Variants in GRB7 observed in about 807,000 individuals in gnomAD.
GRB7 encodes growth factor receptor-bound protein 7.
GRB7 carries 47 observed loss-of-function variants against 64.1 expected under a neutral mutation model. The ratio of observed to expected loss-of-function variants is 0.73; its 90% CI spans 0.58 to 0.94. The LOEUF is 0.94. Among genes scored for constraint, GRB7 ranks in the 40% least tolerant of loss-of-function variants. The pLI is 0.00. For synonymous variants in GRB7, 277 were observed against 279.9 expected, an observed-to-expected ratio of 0.99 and a Z score of 0.10; for missense variants, 634 against 718.4, an observed-to-expected ratio of 0.88 and a Z score of 1.34.
chr17:39,745,468 A>G lies in GRB7; in HGVS notation c.1139A>G (p.His380Arg). 3 of 1,614,016 alleles carry G rather than the reference A, an allele frequency of 1.9e-6. No homozygotes were observed. The highest frequency in any genetic ancestry group is 2.2e-5 in the East Asian group (1 of 44,864). The part of the protein sequence containing the change: ...NTLVAMDFSG[H>R]AGRVIENPRE... ...CTGGTGGCCATGGACTTCTCTGGCC[A>G]TGCTGGGCGTGTCATTGAGAACCCC... is the stretch of plus-strand genomic sequence containing the variant. Residue 380 changes from histidine to arginine, a missense_variant, in exon 11 of 15, where the codon CAT (histidine) becomes CGT (arginine). Transcript: ENST00000309156.
intron 13 of GRB7, 35 bp downstream of exon 13, chr17:39,746,035 AAG>A: frequency 6.2e-7 from 1 of 1,611,644 alleles, no homozygotes; most frequent in Non-Finnish European, 8.5e-7. Context: ...ACCCAGGGAT[AAG>A]AGAGACTGGG....
Position 39,746,947 on chromosome 17 carries a change from GC to G in GRB7, c.*54del. ...TCAGCCCGCCTTCAGGCTGCCCGCC[GC>G]CCCTCCACCCATCCAGTGGACTCTG... On this transcript the variant is annotated 3_prime_UTR_variant, in exon 15 of 15. Coordinates refer to ENST00000309156, the MANE Select transcript of GRB7 (RefSeq NM_005310.5). 6.4e-7 allele frequency: 1 copy of G among 1,563,034 alleles called. No homozygotes were observed. The highest frequency in any genetic ancestry group is 8.6e-7 in the Non-Finnish European group (1 of 1,156,074).
rs745932260 is a variant in GRB7 at position 39,742,457 on chromosome 17, G to A, written c.155+1G>A. 1.2e-6 allele frequency: 2 copies of A among 1,613,852 alleles called. No homozygotes were observed. The highest frequency in any genetic ancestry group is 1.7e-5 in the Admixed American group (1 of 60,026). Reference sequence around the variant, plus strand: ...CTCTCCTCATCCCAACCACCGGCAGGTACGATGGGGCGTGGGGCTTGGGGG... The same window carrying A: ...CTCTCCTCATCCCAACCACCGGCAGATACGATGGGGCGTGGGGCTTGGGGG... On this transcript the variant is annotated splice_donor_variant, in intron 2 of 14. Coordinates refer to ENST00000309156, the MANE Select transcript of GRB7 (RefSeq NM_005310.5). LOFTEE classifies it high-confidence loss of function.
rs1465988578 is a variant in GRB7, at chr17:39,743,633, T to C, written c.663+163T>C. 3.6e-5 allele frequency: 23 copies of C among 646,202 alleles called. No individual in the cohort carries two copies. In the East Asian group the frequency reaches 5.1e-4, roughly 14 times the overall value. The allele number at this position is 646,202 out of a possible 1,614,324, so 40.0% of individuals were successfully genotyped here. A position where few individuals can be genotyped will look rare whatever the true frequency, so the allele number is the denominator to read the frequency against. On this transcript the variant is annotated intron_variant, in intron 6 of 14. Transcript: ENST00000309156. The stretch of plus-strand genomic sequence containing the variant: ...CTTTCCCTGCCTGAGCATCAGTTTC[T>C]TCTATTAAATGGGGGCGAGAAATGC...
At chr17:39,744,494 G>A in intron 7 of GRB7, 59 bp from the exon 8 acceptor site, 2 of 1,370,156 alleles carry the variant, frequency 1.5e-6, no homozygotes, top group South Asian at 2.5e-5. Context: ...GGCTTGTGGG[G>A]GGAGGTAATA....
chr17:39,740,520 AGGCGAGGGACTCCCT>A (rs894301551), intron 1 of GRB7, among the ~76,000 whole-genome samples: 1 of 152,078 alleles, frequency 6.6e-6, no homozygotes, highest in Non-Finnish European at 1.5e-5. Flanking sequence ...TCTCCTTCCC[AGGCGAGGGACTCCCT>A]GGCGAGGAGG....
intron 1 of GRB7, among the ~76,000 whole-genome samples, chr17:39,740,719 T>C (rs2059987955): frequency 6.6e-6 from 1 of 151,428 alleles, no homozygotes; most frequent in Non-Finnish European, 1.5e-5. Context: ...GGTTGGGGAG[T>C]TGGGGGAAGG....
At chr17:39,742,109 G>A in intron 1 of GRB7, 143 bp from the exon 2 acceptor site, 1 of 661,262 alleles carries the variant, frequency 1.5e-6, no homozygotes, top group Non-Finnish European at 2.7e-6. Flanking sequence ...GTCCCCTTTT[G>A]TAAAATGAGG....
rs573334038 is a variant in GRB7, at chr17:39,742,746, G to T, written c.306+30G>T. 6 of 1,535,670 alleles carry T rather than the reference G, an allele frequency of 3.9e-6. No homozygotes were observed. The Admixed American group carries it at 1.0e-4, about 27-fold the overall frequency. Reference sequence around the variant, plus strand: ...GTTGTCCCTCAGAAGGGAAGGGAGGGATGCACGGGTTCTGGGTCTGTGGGA... The same window carrying T: ...GTTGTCCCTCAGAAGGGAAGGGAGGTATGCACGGGTTCTGGGTCTGTGGGA... On this transcript the variant is annotated intron_variant, in intron 3 of 14. Coordinates refer to ENST00000309156, the MANE Select transcript of GRB7 (RefSeq NM_005310.5).
intron 6 of GRB7, 159 bp downstream of exon 6, chr17:39,743,629 T>A: frequency 3.1e-6 from 2 of 651,516 alleles, no homozygotes; most frequent in Non-Finnish European, 5.4e-6. Flanking sequence ...TGAGCATCAG[T>A]TTCTTCTATT....
Position 39,744,620 on chromosome 17 carries a change from G to A in GRB7, c.869G>A (p.Arg290His), listed in dbSNP as rs138362707. The change falls in exon 8 of 15, where the codon CGC becomes CAC. Residue 290 changes from arginine to histidine, a missense_variant. Arg to His is a conservative substitution (Grantham distance 29). Transcript: ENST00000309156. ...AACGTGTACGTGGTGACGCAGGGCC[G>A]CAAGCTCTACGGGATGCCCACTGAC... is the stretch of plus-strand genomic sequence containing the variant. ...ESNVYVVTQG[R>H]KLYGMPTDFG... 1,058 of 1,610,790 alleles carry A rather than the reference G, an allele frequency of 6.6e-4. 1 individual carries two copies. Among genetic ancestry groups the A allele is most frequent in the Non-Finnish European group, 8.3e-4 (976 of 1,178,474 alleles).
chr17:39,738,773 C>A (rs934784651), intron 1 of GRB7: 2 of 773,912 alleles, frequency 2.6e-6, no homozygotes, highest in Non-Finnish European at 4.0e-6. Flanking sequence ...GACGTCTCTG[C>A]GGGCTGCGGG....
In GRB7 at chr17:39,743,015, A is replaced by T; in HGVS notation, c.424A>T (p.Thr142Ser). Residue 142 changes from threonine to serine, a missense_variant, in exon 4 of 15, where the codon ACC (threonine) becomes TCC (serine). Physicochemically the swap from Thr to Ser is moderately conservative, Grantham distance 58 (BLOSUM62 1). Coordinates refer to ENST00000309156, the MANE Select transcript of GRB7 (RefSeq NM_005310.5). ...VQRAHALSDETWGLVECHPHL... is the reference protein window; with the variant it reads ...VQRAHALSDESWGLVECHPHL... Reference sequence around the variant, plus strand: ...GCGAGCTCACGCCTTGAGCGACGAGACCTGGGGGCTGGTGGAGTGCCACCC... The same window carrying T: ...GCGAGCTCACGCCTTGAGCGACGAGTCCTGGGGGCTGGTGGAGTGCCACCC... 2 of 1,611,624 alleles carry T rather than the reference A, an allele frequency of 1.2e-6. No individual in the cohort carries two copies. Among genetic ancestry groups the T allele is most frequent in the Non-Finnish European group, 1.7e-6 (2 of 1,178,514 alleles).
rs1242976374 is a variant in GRB7, at chr17:39,742,253, A to G, written c.-49A>G. On this transcript the variant is annotated splice_region_variant and 5_prime_UTR_variant, in exon 2 of 15. Coordinates refer to ENST00000309156, the MANE Select transcript of GRB7 (RefSeq NM_005310.5). ...AATTCTCTCATCCCCTCTCCCCAGG[A>G]CAAGGGCACACAACTGGTTCCGTTA... 1 of 1,612,458 alleles carries G rather than the reference A, an allele frequency of 6.2e-7. No individual in the cohort carries two copies. The highest frequency in any genetic ancestry group is 1.7e-5 in the Admixed American group (1 of 60,002).
chr17:39,740,577 A>G (rs2143393012), intron 1 of GRB7, among the ~76,000 whole-genome samples: 1 of 152,194 alleles, frequency 6.6e-6, no homozygotes, highest in Non-Finnish European at 1.5e-5. Context: ...AGCAGATCGT[A>G]GGTCCCACCT....
chr17:39,738,796 G>T, intron 1 of GRB7: 1 of 1,013,656 alleles, frequency 9.9e-7, no homozygotes, highest in Non-Finnish European at 1.4e-6. Context: ...GATGTGGGGA[G>T]GGCCCCCTCC....
At chr17:39,739,155 C>A (rs1173882738) in intron 1 of GRB7, among the ~76,000 whole-genome samples, 1 of 150,720 alleles carries the variant, frequency 6.6e-6, no homozygotes, top group Admixed American at 6.6e-5. Context: ...GCCCCCCACC[C>A]CGCCCCCCAA....
At chr17:39,740,605 A>G (rs1279496719) in intron 1 of GRB7, among the ~76,000 whole-genome samples, 1 of 149,050 alleles carries the variant, frequency 6.7e-6, no homozygotes. Context: ...AGCTAGGCCG[A>G]GGGTGGGGAG....
rs370683070 is a variant in GRB7 at position 39,742,429 on chromosome 17, A to G, written c.128A>G (p.Gln43Arg). ...TPLPEEVKRS[Q>R]PLLIPTTGRK... The stretch of plus-strand genomic sequence containing the variant: ...CTGCCTGAGGAGGTAAAGAGGTCCC[A>G]GCCTCTCCTCATCCCAACCACCGGC... The change falls in exon 2 of 15, where the codon CAG (glutamine) becomes CGG (arginine). Residue 43 changes from glutamine to arginine, a missense_variant. Physicochemically the swap from Gln to Arg is conservative, Grantham distance 43. Transcript: ENST00000309156. The G allele has an allele frequency of 9.9e-6, 16 of 1,613,930 alleles. No homozygotes were observed. In the African/African-American group the frequency reaches 1.7e-4, roughly 17 times the overall value.
Sources: gnomAD v4.1 joint callset for allele counts (sites outside exome capture counted in the v4.1 genomes callset) on GRCh38, gnomAD v4.1.1 for gene constraint, MANE v1.5 for transcripts, NCBI Gene and HGNC (gene_info 2026-07-23, HGNC 2026-07-21) for gene names.